Variants in GPATCH2 observed in about 807,000 individuals in gnomAD.
The protein encoded by GPATCH2 is G-patch domain containing 2, also known as G patch domain-containing protein 2.
A neutral mutation model predicts 58.0 loss-of-function variants in GPATCH2; 51 were observed. The ratio of observed to expected loss-of-function variants is 0.88; its 90% CI spans 0.70 to 1.11. GPATCH2 has a LOEUF of 1.11. Ranked by LOEUF, GPATCH2 falls within the 50% of genes most tolerant of loss-of-function variation. The probability of loss-of-function intolerance (pLI) is 0.00; values close to 1 mark genes in which losing one functional copy is unlikely to be tolerated. For missense variants in GPATCH2, 625 were observed against 652.2 expected (o/e 0.96, Z 0.45); for synonymous variants, 222 against 218.5 (o/e 1.02, Z -0.14).
At chr1:217,509,466 A>G (rs1662732058) in intron 6 of GPATCH2, among the ~76,000 whole-genome samples, 1 of 152,102 alleles carries the variant, frequency 6.6e-6, no homozygotes, top group Non-Finnish European at 1.5e-5. Flanking sequence ...AGTGATGACC[A>G]ATTTTAGTGT....
chr1:217,458,166 C>T (rs923595899), intron 8 of GPATCH2, among the ~76,000 whole-genome samples: 2 of 152,104 alleles, frequency 1.3e-5, no homozygotes, highest in Admixed American at 1.3e-4. Context: ...GGAGGCGGAG[C>T]TTGCAGTGAG....
intron 8 of GPATCH2, among the ~76,000 whole-genome samples, chr1:217,468,680 CAT>C (rs1254319241): frequency 7.9e-5 from 12 of 151,254 alleles, no homozygotes; most frequent in Admixed American, 7.9e-4. Context: ...ATATCAATTG[CAT>C]ATATACATAT....
In GPATCH2 at chr1:217,427,901, T is replaced by C. The variant is rs1353884115; in HGVS notation, c.*3244A>G. The C allele has an allele frequency of 2.0e-5, 3 of 152,204 alleles. No individual in the cohort carries two copies. Among genetic ancestry groups the C allele is most frequent in the African/African-American group, 4.8e-5 (2 of 41,466 alleles). 9.4% of individuals were successfully genotyped at this position (152,204 alleles called of 1,614,324 possible). A position where few individuals can be genotyped will look rare whatever the true frequency, so the allele number is the denominator to read the frequency against. On this transcript the variant is annotated 3_prime_UTR_variant, in exon 10 of 10. Coordinates refer to ENST00000366935, the MANE Select transcript of GPATCH2 (RefSeq NM_018040.5). ...AATACACCTATAGGTACACATTATG[T>C]ATATCTTTACCCCTACTGTGTTAAC...
intron 5 of GPATCH2, among the ~76,000 whole-genome samples, chr1:217,547,803 G>C (rs553372921): frequency 4.7e-4 from 72 of 152,208 alleles, no homozygotes; most frequent in African/African-American, 1.7e-3. Context: ...ATCTCATCTC[G>C]AATTGTAATT....
chr1:217,594,091 T>C (rs1216847326), intron 5 of GPATCH2, among the ~76,000 whole-genome samples: 2 of 152,142 alleles, frequency 1.3e-5, no homozygotes, highest in African/African-American at 4.8e-5. Context: ...CTAGATGCTC[T>C]AGGTACGTGG....
At chr1:217,546,317 A>C (rs1240809228) in intron 5 of GPATCH2, among the ~76,000 whole-genome samples, 1 of 152,188 alleles carries the variant, frequency 6.6e-6, no homozygotes, top group African/African-American at 2.4e-5. Flanking sequence ...ATCCTGAGCA[A>C]AAAGAACAAA....
rs2102867977 is a variant in GPATCH2 at position 217,630,944 on chromosome 1, T to C, written c.28A>G (p.Ile10Val). 6.3e-7 allele frequency: 1 copy of C among 1,590,168 alleles called. No homozygotes were observed. Among genetic ancestry groups the C allele is most frequent in the African/African-American group, 1.3e-5 (1 of 74,680 alleles). The change falls in exon 1 of 10, where the codon ATC becomes GTC. Residue 10 changes from isoleucine to valine, a missense_variant. Transcript: ENST00000366935. ...CTGTTCCCGGCTGCTGGAGCTCCGA[T>C]CGGTTGGCGCCCGGCGGCCCCGAAC... MFGAAGRQP[I>V]GAPAAGNSWH... is the part of the protein sequence containing the mutation.
intron 8 of GPATCH2, among the ~76,000 whole-genome samples, chr1:217,453,475 T>G (rs1293393507): frequency 1.5e-4 from 23 of 152,198 alleles, no homozygotes; most frequent in Admixed American, 8.5e-4. Flanking sequence ...CAAGTATTAC[T>G]TCTGAAAATT....
At chr1:217,524,593 C>T (rs1663718835) in intron 5 of GPATCH2, among the ~76,000 whole-genome samples, 1 of 151,752 alleles carries the variant, frequency 6.6e-6, no homozygotes, top group Admixed American at 6.6e-5. Flanking sequence ...GTGAAGGAGA[C>T]TCCGTCTGCA....
chr1:217,591,949 A>G (rs1667614167), intron 5 of GPATCH2, among the ~76,000 whole-genome samples: 1 of 152,052 alleles, frequency 6.6e-6, no homozygotes, highest in Admixed American at 6.5e-5. Flanking sequence ...TTGTTAATGT[A>G]GAAATTAATT....
intron 5 of GPATCH2, among the ~76,000 whole-genome samples, chr1:217,536,170 G>C (rs994490849): frequency 8.5e-5 from 13 of 152,114 alleles, no homozygotes; most frequent in African/African-American, 2.9e-4. Flanking sequence ...AGGATAGTAT[G>C]GAAGAAAGAA....
intron 5 of GPATCH2, among the ~76,000 whole-genome samples, chr1:217,607,559 A>G (rs1292373279): frequency 1.3e-5 from 2 of 152,188 alleles, no homozygotes; most frequent in Non-Finnish European, 2.9e-5. Flanking sequence ...TAGTAAGTCA[A>G]CAATATATAT....
intron 5 of GPATCH2, among the ~76,000 whole-genome samples, chr1:217,567,164 A>G (rs951177469): frequency 6.6e-6 from 1 of 150,520 alleles, no homozygotes; most frequent in Non-Finnish European, 1.5e-5. Context: ...CTCGTGCCTC[A>G]GCCTCCTGAG....
intron 9 of GPATCH2, among the ~76,000 whole-genome samples, chr1:217,435,140 C>T (rs1033834203): frequency 6.6e-6 from 1 of 152,166 alleles, no homozygotes; most frequent in Non-Finnish European, 1.5e-5. Context: ...GCGCAGTATA[C>T]ACCACAACCA....
intron 5 of GPATCH2, among the ~76,000 whole-genome samples, chr1:217,562,138 G>A (rs955521114): frequency 2.0e-5 from 3 of 152,140 alleles, no homozygotes; most frequent in Non-Finnish European, 1.5e-5. Context: ...GTACTCCAGT[G>A]CTTGGGGAGG....
At chr1:217,581,282 C>A (rs1044747513) in intron 5 of GPATCH2, among the ~76,000 whole-genome samples, 1 of 152,154 alleles carries the variant, frequency 6.6e-6, no homozygotes, top group South Asian at 2.1e-4. Flanking sequence ...TTCAAAACTT[C>A]CATTTTACAG....
rs186279877 is a variant in GPATCH2, at chr1:217,602,330, C to A, written c.1098+7991G>T. On this transcript the variant is annotated intron_variant, in intron 5 of 9. Coordinates refer to ENST00000366935, the MANE Select transcript of GPATCH2 (RefSeq NM_018040.5). ...TTCATGGTTTCCTGAATACCCCATG[C>A]TTTTTCAAACTTAATCCTTGACCAT... 2.3e-4 allele frequency among the ~76,000 whole-genome samples: 35 copies of A among 152,226 alleles called. 1 individual carries two copies. The highest frequency in any genetic ancestry group is 2.2e-3 in the Admixed American group (33 of 15,266).
intron 1 of GPATCH2, among the ~76,000 whole-genome samples, chr1:217,626,857 A>T (rs1458026281): frequency 6.6e-6 from 1 of 152,012 alleles, no homozygotes; most frequent in South Asian, 2.1e-4. Context: ...TCAAAAGTAA[A>T]TTTTTTCTCT....
chr1:217,464,311 A>T (rs999427744), intron 8 of GPATCH2, among the ~76,000 whole-genome samples: 10 of 152,148 alleles, frequency 6.6e-5, no homozygotes, highest in Non-Finnish European at 1.2e-4. Context: ...TTGGATATAA[A>T]CTATTGGCAG....
Sources: gnomAD v4.1 joint callset for allele counts (sites outside exome capture counted in the v4.1 genomes callset) on GRCh38, gnomAD v4.1.1 for gene constraint, MANE v1.5 for transcripts, NCBI Gene and HGNC (gene_info 2026-07-23, HGNC 2026-07-21) for gene names.